The following ARHGEF38 variants were observed in gnomAD, a reference collection of about 807,000 sequenced individuals.
ARHGEF38 encodes the protein Rho guanine nucleotide exchange factor 38, also known as Rho guanine nucleotide exchange factor (GEF) 38.
Under a neutral mutation model 79.9 loss-of-function variants are expected in ARHGEF38, and 79 were observed. That is an observed-to-expected ratio of 0.99 (90% confidence interval 0.82 to 1.19). ARHGEF38 has a LOEUF of 1.19. ARHGEF38 is among the 50% of genes most tolerant of loss of function. The probability of loss-of-function intolerance (pLI) is 0.00; values close to 1 mark genes in which losing one functional copy is unlikely to be tolerated. For missense variants in ARHGEF38, 962 were observed against 907.2 expected, an observed-to-expected ratio of 1.06 and a Z score of -0.78; for synonymous variants, 366 against 328.3, an observed-to-expected ratio of 1.11 and a Z score of -1.24.
At chr4:105,564,253 G>T (rs1319117454) in intron 1 of ARHGEF38, among the ~76,000 whole-genome samples, 1 of 152,120 alleles carries the variant, frequency 6.6e-6, no homozygotes. Flanking sequence ...TTCATAATAT[G>T]TATGATACAT....
chr4:105,642,277 G>A (rs1729650075), intron 5 of ARHGEF38, among the ~76,000 whole-genome samples: 1 of 152,068 alleles, frequency 6.6e-6, no homozygotes, highest in Non-Finnish European at 1.5e-5. Context: ...CATCACTTGG[G>A]CAACTCTCTC....
chr4:105,600,933 T>G (rs1727794448), intron 2 of ARHGEF38, among the ~76,000 whole-genome samples: 1 of 152,154 alleles, frequency 6.6e-6, no homozygotes, highest in South Asian at 2.1e-4. Flanking sequence ...ATGTCTCATC[T>G]CCTTTCTTAC....
intron 1 of ARHGEF38, among the ~76,000 whole-genome samples, chr4:105,559,618 T>C (rs1474316258): frequency 6.6e-6 from 1 of 152,122 alleles, no homozygotes; most frequent in Non-Finnish European, 1.5e-5. Flanking sequence ...AAAATATATT[T>C]ATCAAGACAG....
chr4:105,670,972 A>G (rs1433516920), intron 13 of ARHGEF38, among the ~76,000 whole-genome samples: 1 of 152,180 alleles, frequency 6.6e-6, no homozygotes, highest in Non-Finnish European at 1.5e-5. Context: ...TGGTACTTCA[A>G]AGCAATTTTC....
At position 105,679,670 on chromosome 4, in the gene ARHGEF38, C is replaced by A. The variant is rs1383118530; in HGVS notation, c.*1733C>A. The A allele has an allele frequency of 1.3e-6, 1 of 798,442 alleles. No individual in the cohort carries two copies. Among genetic ancestry groups the A allele is most frequent in the African/African-American group, 1.7e-5 (1 of 59,090 alleles). 49.5% of individuals were successfully genotyped at this position (798,442 alleles called of 1,614,324 possible). On this transcript the variant is annotated 3_prime_UTR_variant, in exon 14 of 14. Coordinates refer to ENST00000420470, the MANE Select transcript of ARHGEF38 (RefSeq NM_001242729.2). Reference sequence around the variant, plus strand: ...ATGGCATCCATGCTTTTAAATTTAACTAAATCCATTGTAGAAGGAACACCT... The same window carrying A: ...ATGGCATCCATGCTTTTAAATTTAAATAAATCCATTGTAGAAGGAACACCT...
At chr4:105,642,421 TAAA>T (rs1278348463) in intron 5 of ARHGEF38, among the ~76,000 whole-genome samples, 1 of 152,108 alleles carries the variant, frequency 6.6e-6, no homozygotes, top group Non-Finnish European at 1.5e-5. Context: ...ATTTGAAATA[TAAA>T]AGGGAGAGAT....
chr4:105,604,123 G>C (rs1490096320), intron 2 of ARHGEF38, among the ~76,000 whole-genome samples: 5 of 152,136 alleles, frequency 3.3e-5, no homozygotes, highest in African/African-American at 7.2e-5. Flanking sequence ...GCAGAAAAGA[G>C]GTGCAAAGGC....
In ARHGEF38 at chr4:105,654,096, A is replaced by G; in HGVS notation, c.1040A>G (p.Lys347Arg). 2.6e-6 allele frequency: 4 copies of G among 1,514,728 alleles called. No individual in the cohort carries two copies. The highest frequency in any genetic ancestry group is 3.5e-6 in the Non-Finnish European group (4 of 1,132,244). 93.8% of individuals were successfully genotyped at this position (1,514,728 alleles called of 1,614,324 possible). The change falls in exon 8 of 14, where the codon AAG becomes AGG. Residue 347 changes from lysine (K) to arginine (R), a missense_variant. By Grantham distance (26) the Lys-to-Arg change is conservative (BLOSUM62 2). Transcript: ENST00000420470. ...VKDNTFNREE[K>R]LFRALEKTVR... ...GACAATACCTTTAACAGAGAAGAAAAGCTGTTTAGAGCTTTAGAAAAGACT... is the reference window on the plus strand; with the variant it reads ...GACAATACCTTTAACAGAGAAGAAAGGCTGTTTAGAGCTTTAGAAAAGACT...
intron 1 of ARHGEF38, among the ~76,000 whole-genome samples, chr4:105,588,722 C>T (rs990498718): frequency 3.3e-5 from 5 of 152,162 alleles, no homozygotes; most frequent in African/African-American, 1.2e-4. Context: ...TTCTTCACTC[C>T]TCATGGATTC....
At position 105,648,697 on chromosome 4, in the gene ARHGEF38, T is replaced by A. The variant is rs1477157314; in HGVS notation, c.1008+15T>A. 2 of 1,500,146 alleles carry A rather than the reference T, an allele frequency of 1.3e-6. No individual in the cohort carries two copies. Among genetic ancestry groups the A allele is most frequent in the Non-Finnish European group, 1.8e-6 (2 of 1,133,448 alleles). The allele number at this position is 1,500,146 out of a possible 1,614,324, so 92.9% of individuals were successfully genotyped here. A position where few individuals can be genotyped will look rare whatever the true frequency, so the allele number is the denominator to read the frequency against. ...GAGAATCACAGGTAATTTTTCTTCT[T>A]GGACCACCCACCTTTTCCCAGGGAA... On this transcript the variant is annotated intron_variant, in intron 7 of 13. Transcript: ENST00000420470.
chr4:105,682,163 T>C (rs755677278), downstream of ARHGEF38, among the ~76,000 whole-genome samples: 3 of 152,034 alleles, frequency 2.0e-5, no homozygotes, highest in Non-Finnish European at 4.4e-5. Flanking sequence ...ATAATTGAAA[T>C]GAGGTGATAA....
chr4:105,580,795 C>T, intron 1 of ARHGEF38, among the ~76,000 whole-genome samples: 1 of 152,100 alleles, frequency 6.6e-6, no homozygotes. Context: ...TCACTACAAC[C>T]TCCACCTTCC....
At chr4:105,640,918 T>G in intron 5 of ARHGEF38, among the ~76,000 whole-genome samples, 1 of 152,156 alleles carries the variant, frequency 6.6e-6, no homozygotes, top group East Asian at 1.9e-4. Flanking sequence ...GTCTTCTTTT[T>G]GTCCTTAGCA....
chr4:105,563,042 T>C (rs1370873182), intron 1 of ARHGEF38, among the ~76,000 whole-genome samples: 1 of 152,124 alleles, frequency 6.6e-6, no homozygotes, highest in Non-Finnish European at 1.5e-5. Context: ...GGAAAAGGCA[T>C]GGCCTGAGAG....
chr4:105,567,120 T>C (rs909803266), intron 1 of ARHGEF38, among the ~76,000 whole-genome samples: 3 of 152,236 alleles, frequency 2.0e-5, no homozygotes, highest in African/African-American at 7.2e-5. Context: ...CATGCAAAGT[T>C]TGTCTTTCTG....
Position 105,597,883 on chromosome 4 carries a change from C to T in ARHGEF38, c.384+8448C>T, listed in dbSNP as rs561757918. Among the ~76,000 whole-genome samples, 3 of 151,984 alleles carry T rather than the reference C, an allele frequency of 2.0e-5. No homozygotes were observed. The East Asian group carries it at 5.8e-4, about 29-fold the overall frequency. On this transcript the variant is annotated intron_variant, in intron 2 of 13. Transcript: ENST00000420470. ...GAACTTTAATTAAAAACATAATGCC[C>T]TTATTTTCTCTATCTTCCTCCCTTT...
intron 8 of ARHGEF38, among the ~76,000 whole-genome samples, chr4:105,654,621 A>C (rs1730247998): frequency 6.6e-6 from 1 of 152,214 alleles, no homozygotes; most frequent in East Asian, 1.9e-4. Context: ...CTCCCATGAG[A>C]TTATGTTAGA....
At position 105,679,892 on chromosome 4, in the gene ARHGEF38, G is replaced by A. The variant is rs1043317690; in HGVS notation, c.*1955G>A. The A allele has an allele frequency of 4.2e-6, 6 of 1,433,342 alleles. No individual in the cohort carries two copies. The highest frequency in any genetic ancestry group is 2.8e-5 in the African/African-American group (2 of 71,106). 88.8% of individuals were successfully genotyped at this position (1,433,342 alleles called of 1,614,324 possible). On this transcript the variant is annotated 3_prime_UTR_variant, in exon 14 of 14. Transcript: ENST00000420470. ...TACAGGAATGTCCAAACCACGAGGA[G>A]CCACATTGGTTGCCACCAAAACTTT...
chr4:105,585,200 T>C (rs1222844912), intron 1 of ARHGEF38, among the ~76,000 whole-genome samples: 3 of 152,176 alleles, frequency 2.0e-5, no homozygotes, highest in Middle Eastern at 3.2e-3. Context: ...ATAGTTAACA[T>C]TTGTATTGTT....
Sources: gnomAD v4.1 joint callset for allele counts (sites outside exome capture counted in the v4.1 genomes callset) on GRCh38, gnomAD v4.1.1 for gene constraint, MANE v1.5 for transcripts, NCBI Gene and HGNC (gene_info 2026-07-23, HGNC 2026-07-21) for gene names.